The following KLC1 variants were observed in gnomAD, a reference collection of about 807,000 sequenced individuals.
The protein encoded by KLC1 is kinesin light chain 1.
A neutral mutation model predicts 84.2 loss-of-function variants in KLC1; 30 were observed. The ratio of observed to expected loss-of-function variants is 0.36; its 90% CI spans 0.27 to 0.48. The LOEUF is 0.48. KLC1 is among the 20% of genes least tolerant of loss of function. KLC1 has a pLI of 0.99. For synonymous variants in KLC1, 289 were observed against 293.3 expected (o/e 0.99, Z 0.15); for missense variants, 499 against 805.4 (o/e 0.62, Z 4.60).
intron 13 of KLC1, chr14:103,686,057 C>T (rs1006782809): frequency 7.8e-6 from 8 of 1,021,712 alleles, no homozygotes; most frequent in Non-Finnish European, 8.2e-6. Context: ...ACTTAGAGCC[C>T]TGGGGGCCCC....
intron 14 of KLC1, among the ~76,000 whole-genome samples, chr14:103,689,204 A>C (rs923323559): frequency 5.9e-5 from 9 of 152,138 alleles, no homozygotes; most frequent in Non-Finnish European, 1.3e-4. Context: ...TGAGGTTCTT[A>C]AGTTTTGAAG....
chr14:103,657,670 A>G lies in KLC1; in HGVS notation c.386A>G (p.Gln129Arg). 1 of 1,614,230 alleles carries G rather than the reference A, an allele frequency of 6.2e-7. No homozygotes were observed. Among genetic ancestry groups the G allele is most frequent in the Non-Finnish European group, 8.5e-7 (1 of 1,180,048 alleles). The change falls in exon 3 of 17, where the codon CAG (glutamine) becomes CGG (arginine). Residue 129 changes from glutamine (Q) to arginine (R), a missense_variant. By Grantham distance (43) the Gln-to-Arg change is conservative (BLOSUM62 1). Transcript: ENST00000334553. The stretch of plus-strand genomic sequence containing the variant: ...CGGGATGAACTGGCCAACACGCAGC[A>G]GAAACTGCAGAAGAGTGAGCAGTCT... Reference protein sequence around the residue: ...WLRDELANTQQKLQKSEQSVA... With the variant: ...WLRDELANTQRKLQKSEQSVA...
At position 103,694,873 on chromosome 14, in the gene KLC1, C is replaced by A. The variant is rs1313866474; in HGVS notation, c.1848+2448C>A. On this transcript the variant is annotated intron_variant, in intron 15 of 16. Transcript: ENST00000334553. This position sits in a 1 kb window ranked among gnomAD's most constrained non-coding sequence, Gnocchi z 4.5. ...TTAAAATACCTTTCAAAGTTTCATC[C>A]CGCCTCATGTCGCAGGACTGCTGTG... 2 of 985,364 alleles carry A rather than the reference C, an allele frequency of 2.0e-6. No homozygotes were observed. Among genetic ancestry groups the A allele is most frequent in the Non-Finnish European group, 2.4e-6 (2 of 829,958 alleles). 61.0% of individuals were successfully genotyped at this position (985,364 alleles called of 1,614,324 possible). A position where few individuals can be genotyped will look rare whatever the true frequency, so the allele number is the denominator to read the frequency against.
In KLC1 at chr14:103,701,215, C is replaced by T. The variant is rs2083173016; in HGVS notation, c.*16C>T. ...TTCTCTTGCAGTGACCCCGACCTGG[C>T]CCCGCTCCAGGATGGGACTGCCGAG... On this transcript the variant is annotated 3_prime_UTR_variant, in exon 17 of 17. Transcript: ENST00000334553. 3 of 1,550,284 alleles carry T rather than the reference C, an allele frequency of 1.9e-6. No homozygotes were observed. Among genetic ancestry groups the T allele is most frequent in the Non-Finnish European group, 2.6e-6 (3 of 1,146,232 alleles).
intron 11 of KLC1, among the ~76,000 whole-genome samples, 169 bp downstream of exon 11, chr14:103,675,925 C>T (rs1009471297): frequency 6.6e-6 from 1 of 152,182 alleles, no homozygotes; most frequent in Admixed American, 6.5e-5. Flanking sequence ...TAAATGAGAT[C>T]ACTTACATGT....
intron 15 of KLC1, chr14:103,696,045 A>C (rs2082453032): frequency 7.1e-6 from 7 of 984,014 alleles, no homozygotes; most frequent in Admixed American, 6.2e-5. Flanking sequence ...ACCCCACGCG[A>C]GAGTCAGCAC....
In KLC1 at chr14:103,641,839, C is replaced by T. The variant is rs150832599; in HGVS notation, c.-2+12345C>T. Among the ~76,000 whole-genome samples the T allele has an allele frequency of 2.6e-4, 40 of 152,282 alleles. 1 individual carries two copies. The highest frequency in any genetic ancestry group is 7.9e-4 in the African/African-American group (33 of 41,546). On this transcript the variant is annotated intron_variant, in intron 1 of 16. Transcript: ENST00000334553. Reference sequence around the variant, plus strand: ...GTTTTACCATGTTGCCCAGACTGGTCTTGAACACCTGAGCTCAAGCTATCT... The same window carrying T: ...GTTTTACCATGTTGCCCAGACTGGTTTTGAACACCTGAGCTCAAGCTATCT...
chr14:103,699,257 A>T (rs1283977744), intron 15 of KLC1: 1 of 1,539,734 alleles, frequency 6.5e-7, no homozygotes, highest in Non-Finnish European at 8.7e-7. Context: ...TACCCGCAGG[A>T]GCCGGAGGCC....
At chr14:103,692,208 G>A (rs1336369800) in intron 14 of KLC1, 151 bp from the exon 15 acceptor site, 22 of 641,780 alleles carry the variant, frequency 3.4e-5, no homozygotes, top group Non-Finnish European at 6.1e-5. Flanking sequence ...GTGAGACATA[G>A]GACTCCCCGG....
rs1054058193 is a variant in KLC1 at position 103,694,456 on chromosome 14, CACTTTTT to C, written c.1848+2033_1848+2039del. The C allele has an allele frequency of 2.0e-6, 2 of 985,316 alleles. No individual in the cohort carries two copies. The highest frequency in any genetic ancestry group is 3.5e-5 in the African/African-American group (2 of 57,218). The allele number at this position is 985,316 out of a possible 1,614,324, so 61.0% of individuals were successfully genotyped here. A position where few individuals can be genotyped will look rare whatever the true frequency, so the allele number is the denominator to read the frequency against. On this transcript the variant is annotated intron_variant, in intron 15 of 16. Transcript: ENST00000334553. This position sits in a 1 kb window ranked among gnomAD's most constrained non-coding sequence, Gnocchi z 4.5. ...GACCATCCTGGCTAACATGGCGTTTCACTTTTTAAAAGCTTAAGCTTTATGGAATGAG... is the reference window on the plus strand; with the variant it reads ...GACCATCCTGGCTAACATGGCGTTTCAAAAGCTTAAGCTTTATGGAATGAG...
At position 103,694,840 on chromosome 14, in the gene KLC1, G is replaced by A; in HGVS notation, c.1848+2415G>A. On this transcript the variant is annotated intron_variant, in intron 15 of 16. Coordinates refer to ENST00000334553, the MANE Select transcript of KLC1 (RefSeq NM_001394837.1). This position sits in a 1 kb window ranked among gnomAD's most constrained non-coding sequence, Gnocchi z 4.5. ...GAGTGTCCTGAGGTTTTGTTACAAG[G>A]CTAGACTTTAAAATACCTTTCAAAG... 6.1e-6 allele frequency: 6 copies of A among 985,496 alleles called. No individual in the cohort carries two copies. Among genetic ancestry groups the A allele is most frequent in the Middle Eastern group, 5.2e-4 (1 of 1,914 alleles). The allele number at this position is 985,496 out of a possible 1,614,324, so 61.0% of individuals were successfully genotyped here.
At chr14:103,679,661 TTAAGCTTTCTG>T in intron 13 of KLC1, 116 bp downstream of exon 13, 1 of 713,758 alleles carries the variant, frequency 1.4e-6, no homozygotes, top group Non-Finnish European at 2.4e-6. Context: ...TAAGTGCCAA[TTAAGCTTTCTG>T]TAAGTTCTTC....
chr14:103,700,960 G>T (rs1412473729), intron 16 of KLC1, among the ~76,000 whole-genome samples: 1 of 152,212 alleles, frequency 6.6e-6, no homozygotes, highest in Non-Finnish European at 1.5e-5. Context: ...AGAAGGCTCT[G>T]TGTCCACACC....
At chr14:103,696,043 C>T (rs1156252784) in intron 15 of KLC1, 15 of 984,586 alleles carry the variant, frequency 1.5e-5, no homozygotes, top group East Asian at 1.1e-4. Flanking sequence ...GAACCCCACG[C>T]GAGAGTCAGC....
chr14:103,661,293 A>G (rs769470141), intron 3 of KLC1, among the ~76,000 whole-genome samples: 4 of 152,142 alleles, frequency 2.6e-5, no homozygotes, highest in African/African-American at 9.7e-5. Flanking sequence ...TCAGGGGTAC[A>G]TCCTGCATGT....
chr14:103,642,399 T>C (rs535037369), intron 1 of KLC1, among the ~76,000 whole-genome samples: 60 of 152,332 alleles, frequency 3.9e-4, no homozygotes, highest in African/African-American at 1.4e-3. Context: ...CTTGATAGTT[T>C]TGAGACATAT....
chr14:103,690,180 C>CAA (rs57400682), intron 14 of KLC1, among the ~76,000 whole-genome samples: 1 of 115,120 alleles, frequency 8.7e-6, no homozygotes, highest in Non-Finnish European at 1.9e-5. Context: ...AACTTCGTCT[C>CAA]AAAAAAAAAA....
intron 14 of KLC1, among the ~76,000 whole-genome samples, chr14:103,691,385 C>G (rs1259889721): frequency 2.0e-5 from 3 of 149,100 alleles, no homozygotes; most frequent in Admixed American, 6.7e-5. Context: ...GTTGTGAACT[C>G]TGGGCCTCAA....
Position 103,693,779 on chromosome 14 carries a change from A to C in KLC1, c.1848+1354A>C. Reference sequence around the variant, plus strand: ...GAGGTGCCTTTTCAAAACACCCGGGAGGCCGTGCCTCAGCATTCTGTTACT... The same window carrying C: ...GAGGTGCCTTTTCAAAACACCCGGGCGGCCGTGCCTCAGCATTCTGTTACT... On this transcript the variant is annotated intron_variant, in intron 15 of 16. Transcript: ENST00000334553. The surrounding 1 kb of genome is among the most constrained non-coding windows in gnomAD (Gnocchi z 5.1). The C allele has an allele frequency of 7.0e-7, 1 of 1,419,556 alleles. No homozygotes were observed. Among genetic ancestry groups the C allele is most frequent in the South Asian group, 1.5e-5 (1 of 65,908 alleles). 87.9% of individuals were successfully genotyped at this position (1,419,556 alleles called of 1,614,324 possible).
Sources: gnomAD v4.1 joint callset for allele counts (sites outside exome capture counted in the v4.1 genomes callset) on GRCh38, gnomAD v4.1.1 for gene constraint, Gnocchi (gnomAD v3.1) non-coding constraint, MANE v1.5 for transcripts, NCBI Gene and HGNC (gene_info 2026-07-23, HGNC 2026-07-21) for gene names.